DIAPH2: variants seen among roughly 807,000 people sequenced by gnomAD.
DIAPH2 encodes the protein protein diaphanous homolog 2.
A neutral mutation model predicts 92.7 loss-of-function variants in DIAPH2; 35 were observed. The ratio of observed to expected loss-of-function variants is 0.38; its 90% CI spans 0.29 to 0.50. DIAPH2 has a LOEUF of 0.50. Among genes scored for constraint, DIAPH2 ranks in the 20% least tolerant of loss-of-function variants. The pLI is 0.94. For missense variants in DIAPH2, 701 were observed against 819.5 expected, an observed-to-expected ratio of 0.86 and a Z score of 1.77; for synonymous variants, 301 against 280.4, an observed-to-expected ratio of 1.07 and a Z score of -0.73.
At chrX:96,869,589 C>CTAA (rs1556262447) in intron 4 of DIAPH2, among the ~76,000 whole-genome samples, 50 of 107,604 alleles carry the variant, frequency 4.6e-4, no homozygotes, top group Admixed American at 1.5e-3. Flanking sequence ...ACTACTACTA[C>CTAA]TACTAATACT....
intron 17 of DIAPH2, among the ~76,000 whole-genome samples, chrX:97,042,596 C>T (rs1201404278): frequency 1.8e-5 from 2 of 111,931 alleles, no homozygotes; most frequent in African/African-American, 6.5e-5. Flanking sequence ...GTATGCATAT[C>T]AGAAAAACTG....
intron 4 of DIAPH2, among the ~76,000 whole-genome samples, chrX:96,767,910 G>A (rs1296650801): frequency 8.9e-6 from 1 of 112,169 alleles, no homozygotes; most frequent in Non-Finnish European, 1.9e-5. Flanking sequence ...TACTGTCTGT[G>A]ATGGGAAATG....
chrX:97,081,258 A>C (rs543398), intron 19 of DIAPH2, among the ~76,000 whole-genome samples: 30,705 of 109,922 alleles, frequency 0.28, 3,270 homozygotes, highest in Admixed American at 0.38. Flanking sequence ...GGTGATTAAA[A>C]ATTTTTTTTT....
At chrX:96,839,808 AT>A (rs1326631584) in intron 4 of DIAPH2, among the ~76,000 whole-genome samples, 2 of 111,389 alleles carry the variant, frequency 1.8e-5, no homozygotes, top group Non-Finnish European at 3.8e-5. Flanking sequence ...TGGAATTTCA[AT>A]TTTTGTATTA....
chrX:97,328,117 T>G (rs1000804142), intron 23 of DIAPH2, among the ~76,000 whole-genome samples: 10 of 111,820 alleles, frequency 8.9e-5, no homozygotes, highest in African/African-American at 2.9e-4. Flanking sequence ...ATCAGATCAC[T>G]CTTTTGCTAT....
At chrX:96,992,706 A>G (rs1205465092) in intron 17 of DIAPH2, among the ~76,000 whole-genome samples, 1 of 112,451 alleles carries the variant, frequency 8.9e-6, no homozygotes, top group Non-Finnish European at 1.9e-5. Flanking sequence ...TTGTATATCC[A>G]ATTAATCCAT....
intron 26 of DIAPH2, among the ~76,000 whole-genome samples, chrX:97,454,297 G>T (rs1274039854): frequency 9.0e-6 from 1 of 111,540 alleles, no homozygotes; most frequent in Non-Finnish European, 1.9e-5. Context: ...CTTGACTATA[G>T]TGGAAGAGAT....
At chrX:97,168,683 G>C (rs887390013) in intron 22 of DIAPH2, among the ~76,000 whole-genome samples, 2 of 111,636 alleles carry the variant, frequency 1.8e-5, no homozygotes, top group Non-Finnish European at 3.8e-5. Context: ...TACTGTTACA[G>C]AATACTATAG....
intron 4 of DIAPH2, among the ~76,000 whole-genome samples, chrX:96,838,548 G>C (rs2064914384): frequency 8.9e-6 from 1 of 111,969 alleles, no homozygotes; most frequent in African/African-American, 3.2e-5. Flanking sequence ...TGGAATGTTT[G>C]ATCATTTTAT....
At chrX:97,001,521 C>T (rs1259431535) in intron 17 of DIAPH2, among the ~76,000 whole-genome samples, 1 of 110,654 alleles carries the variant, frequency 9.0e-6, no homozygotes, top group Non-Finnish European at 1.9e-5. Context: ...TAGCAAGCGC[C>T]TGTAATCCCA....
chrX:97,310,555 G>A (rs1000609206), intron 23 of DIAPH2, among the ~76,000 whole-genome samples: 2 of 110,920 alleles, frequency 1.8e-5, no homozygotes, highest in Admixed American at 9.7e-5. Context: ...CATTCCAAAT[G>A]CAAAGACCCT....
At chrX:97,344,105 ATGG>A (rs1232118088) in intron 23 of DIAPH2, among the ~76,000 whole-genome samples, 1 of 112,424 alleles carries the variant, frequency 8.9e-6, no homozygotes, top group East Asian at 2.8e-4. Flanking sequence ...ATGCAAATCG[ATGG>A]TGGTAGAATT....
intron 26 of DIAPH2, among the ~76,000 whole-genome samples, chrX:97,522,988 T>A (rs1302108981): frequency 8.9e-6 from 1 of 111,978 alleles, no homozygotes; most frequent in Admixed American, 9.5e-5. Flanking sequence ...CTTGCCTACT[T>A]TATTATCCAA....
At chrX:97,328,865 C>A (rs184238394) in intron 23 of DIAPH2, among the ~76,000 whole-genome samples, 25 of 111,084 alleles carry the variant, frequency 2.3e-4, no homozygotes, top group African/African-American at 7.2e-4. Context: ...AATTTTCACC[C>A]GCTAATGAAT....
At chrX:96,750,729 G>C (rs187118713) in intron 3 of DIAPH2, among the ~76,000 whole-genome samples, 8 of 112,686 alleles carry the variant, frequency 7.1e-5, no homozygotes, top group African/African-American at 2.6e-4. Context: ...TTTTAAAAAG[G>C]TTATATTTTT....
At chrX:96,713,363 G>A (rs1364107514) in intron 1 of DIAPH2, among the ~76,000 whole-genome samples, 1 of 110,155 alleles carries the variant, frequency 9.1e-6, no homozygotes, top group Non-Finnish European at 1.9e-5. Flanking sequence ...GCAGTTTTAG[G>A]TGCACAGCAA....
chrX:96,862,266 A>G (rs1250310508), intron 4 of DIAPH2, among the ~76,000 whole-genome samples: 1 of 111,807 alleles, frequency 8.9e-6, no homozygotes, highest in South Asian at 3.7e-4. Context: ...CTTAAGATTT[A>G]TATTTTTAAC....
At chrX:96,812,632 T>A (rs2064693773) in intron 4 of DIAPH2, among the ~76,000 whole-genome samples, 1 of 112,209 alleles carries the variant, frequency 8.9e-6, no homozygotes, top group Non-Finnish European at 1.9e-5. Context: ...ATTTTAGATC[T>A]TTCCTGCTTT....
At chrX:97,012,705 AAT>A (rs760535079) in intron 17 of DIAPH2, among the ~76,000 whole-genome samples, 2 of 111,972 alleles carry the variant, frequency 1.8e-5, no homozygotes, top group Non-Finnish European at 3.8e-5. Flanking sequence ...AACAACCTAA[AAT>A]ATCAAGTTCT....
Sources: gnomAD v4.1 joint callset for allele counts (sites outside exome capture counted in the v4.1 genomes callset) on GRCh38, gnomAD v4.1.1 for gene constraint, MANE v1.5 for transcripts, NCBI Gene and HGNC (gene_info 2026-07-23, HGNC 2026-07-21) for gene names.